PITRM1: variants seen among roughly 807,000 people sequenced by gnomAD.
PITRM1 encodes the protein presequence protease, mitochondrial.
A neutral mutation model predicts 129.9 loss-of-function variants in PITRM1; 100 were observed. The observed-to-expected ratio is 0.77, with a 90% CI of 0.65 to 0.91. The LOEUF (loss-of-function observed/expected upper bound fraction) is 0.91, where lower values mean the gene tolerates loss of function less well. PITRM1 is among the 40% of genes least tolerant of loss of function. The probability of loss-of-function intolerance (pLI) is 0.00; values close to 1 mark genes in which losing one functional copy is unlikely to be tolerated. For missense variants in PITRM1, 1,471 were observed against 1,318.3 expected (o/e 1.12, Z -1.79); for synonymous variants, 591 against 508.8 (o/e 1.16, Z -2.17).
At chr10:3,138,645 C>T (rs987997356) in intron 25 of PITRM1, 3 of 617,522 alleles carry the variant, frequency 4.9e-6, no homozygotes, top group Non-Finnish European at 8.7e-6. Flanking sequence ...CCACGTCCTC[C>T]TTCCACCCTA....
chr10:3,170,095 G>A lies in PITRM1; in HGVS notation c.159+9C>T, dbSNP rs1351391512. ...GGATTTATAAGGAGGTGCCGAGGAC[G>A]ACCCATACCTGGTTTACGGTGAATC... On this transcript the variant is annotated intron_variant, in intron 2 of 26. Transcript: ENST00000224949. The A allele has an allele frequency of 6.9e-6, 11 of 1,597,384 alleles. No homozygotes were observed. Among genetic ancestry groups the A allele is most frequent in the African/African-American group, 5.4e-5 (4 of 74,590 alleles).
chr10:3,158,726 G>A (rs910735571), intron 10 of PITRM1, among the ~76,000 whole-genome samples, 188 bp downstream of exon 10: 11 of 152,192 alleles, frequency 7.2e-5, no homozygotes, highest in African/African-American at 2.7e-4. Flanking sequence ...CCTGATGGGG[G>A]CGGCCATCCT....
chr10:3,141,828 A>C, intron 23 of PITRM1: 1 of 286,922 alleles, frequency 3.5e-6, no homozygotes. Flanking sequence ...AGAAGTCACG[A>C]CCATCTCGTG....
chr10:3,138,377 G>A (rs1449907119), intron 25 of PITRM1, 40 bp from the exon 26 acceptor site: 7 of 1,405,760 alleles, frequency 5.0e-6, no homozygotes, highest in Middle Eastern at 3.6e-4. Context: ...CCGCTGCCCG[G>A]GAGCTCGCGT....
At position 3,147,165 on chromosome 10, in the gene PITRM1, T is replaced by C. The variant is rs749737129; in HGVS notation, c.2321A>G (p.Asn774Ser). 9 of 1,554,682 alleles carry C rather than the reference T, an allele frequency of 5.8e-6. No homozygotes were observed. The highest frequency in any genetic ancestry group is 1.1e-5 in the South Asian group (1 of 89,726). Reference protein sequence around the residue: ...KLPRIKKHLLNGDNMRCSVNA... With the variant: ...KLPRIKKHLLSGDNMRCSVNA... Reference sequence around the variant, plus strand: ...ACACATGCACCTCATATTATCACCATTTAACAAGTGTTTCTTGATACGCGG... The same window carrying C: ...ACACATGCACCTCATATTATCACCACTTAACAAGTGTTTCTTGATACGCGG... Residue 774 changes from asparagine to serine, a missense_variant, in exon 20 of 27, where the codon AAT (asparagine) becomes AGT (serine). Coordinates refer to ENST00000224949, the MANE Select transcript of PITRM1 (RefSeq NM_014889.4).
intron 8 of PITRM1, 122 bp downstream of exon 8, chr10:3,160,082 A>G: frequency 7.7e-7 from 1 of 1,292,976 alleles, no homozygotes; most frequent in South Asian, 1.3e-5. Context: ...TTTCAGCTTG[A>G]AAAGCTCTCC....
chr10:3,168,202 A>G (rs1335371652), intron 2 of PITRM1, among the ~76,000 whole-genome samples: 1 of 152,116 alleles, frequency 6.6e-6, no homozygotes, highest in Non-Finnish European at 1.5e-5. Context: ...GGAGCCTGCC[A>G]CGCAACAGTC....
At position 3,167,012 on chromosome 10, in the gene PITRM1, C is replaced by A; in HGVS notation, c.190G>T (p.Ala64Ser). Residue 64 changes from alanine (A) to serine (S), a missense_variant, in exon 3 of 27, where the codon GCA (alanine) becomes TCA (serine). By Grantham distance (99) the Ala-to-Ser change is moderately conservative. Coordinates refer to ENST00000224949, the MANE Select transcript of PITRM1 (RefSeq NM_014889.4). ...VTSVPELFLT[A>S]VKLTHDDTGA... is the part of the protein sequence containing the mutation. ...GTGTCATCATGGGTGAGCTTCACTG[C>A]AGTCAGGAACAGCTCGGGAACAGAT... 12 of 1,609,250 alleles carry A rather than the reference C, an allele frequency of 7.5e-6. No individual in the cohort carries two copies. The highest frequency in any genetic ancestry group is 1.0e-5 in the Non-Finnish European group (12 of 1,177,488).
chr10:3,165,127 G>A (rs1486561109), intron 6 of PITRM1, 111 bp downstream of exon 6: 18 of 822,952 alleles, frequency 2.2e-5, no homozygotes, highest in Non-Finnish European at 3.4e-5. Flanking sequence ...ATTCAAGAAT[G>A]TATCACCTAT....
chr10:3,170,691 G>A (rs1054014475), intron 1 of PITRM1, among the ~76,000 whole-genome samples: 4 of 152,170 alleles, frequency 2.6e-5, no homozygotes, highest in Admixed American at 1.3e-4. Context: ...AAAGCACTTG[G>A]CATTCTTTAG....
intron 14 of PITRM1, among the ~76,000 whole-genome samples, chr10:3,153,213 A>G (rs181339073): frequency 6.6e-6 from 1 of 152,310 alleles, no homozygotes; most frequent in East Asian, 1.9e-4. Flanking sequence ...TCATTAACCT[A>G]CTGGTTTGGA....
chr10:3,157,311 T>C, intron 12 of PITRM1, 124 bp downstream of exon 12: 1 of 648,546 alleles, frequency 1.5e-6, no homozygotes, highest in East Asian at 2.9e-5. Context: ...AGATTACTAG[T>C]TATAAACCCT....
Position 3,140,825 on chromosome 10 carries a change from A to G in PITRM1, c.2646-13T>C. The G allele has an allele frequency of 3.2e-6, 5 of 1,565,616 alleles. No homozygotes were observed. The highest frequency in any genetic ancestry group is 4.3e-6 in the Non-Finnish European group (5 of 1,151,574). ...AAGGATTTTAAGACTGAAATGATTA[A>G]AAAATGCAAGTTAATACCGTGGCTG... is the stretch of plus-strand genomic sequence containing the variant. On this transcript the variant is annotated splice_polypyrimidine_tract_variant and intron_variant, in intron 23 of 26. Transcript: ENST00000224949.
At chr10:3,152,378 C>T (rs1024687057) in intron 14 of PITRM1, among the ~76,000 whole-genome samples, 10 of 152,200 alleles carry the variant, frequency 6.6e-5, no homozygotes, top group East Asian at 1.9e-4. Flanking sequence ...ACTCAGTCCC[C>T]GCAGACAGCA....
In PITRM1 at chr10:3,149,756, A is replaced by G. The variant is rs922843186; in HGVS notation, c.1739-3T>C. 3 of 1,613,578 alleles carry G rather than the reference A, an allele frequency of 1.9e-6. No individual in the cohort carries two copies. The highest frequency in any genetic ancestry group is 2.7e-5 in the African/African-American group (2 of 74,932). On this transcript the variant is annotated splice_region_variant and splice_polypyrimidine_tract_variant and intron_variant, in intron 15 of 26. Coordinates refer to ENST00000224949, the MANE Select transcript of PITRM1 (RefSeq NM_014889.4). The stretch of plus-strand genomic sequence containing the variant: ...GTACTGAACAGGGATATCTCCAGCT[A>G]GAAAAACAAAAGGGATTTAATTTTT...
At chr10:3,143,358 G>A in intron 23 of PITRM1, 31 bp downstream of exon 23, 2 of 1,354,934 alleles carry the variant, frequency 1.5e-6, no homozygotes, top group South Asian at 1.2e-5. Context: ...TAAGGCTCAG[G>A]CCTGAGAGGT....
intron 14 of PITRM1, among the ~76,000 whole-genome samples, chr10:3,151,901 G>A (rs1246841376): frequency 6.6e-6 from 1 of 151,846 alleles, no homozygotes; most frequent in Non-Finnish European, 1.5e-5. Flanking sequence ...ATACCTGGCT[G>A]ATTTCTGTTT....
chr10:3,172,308 C>T, intron 1 of PITRM1: 1 of 494,868 alleles, frequency 2.0e-6, no homozygotes, highest in Non-Finnish European at 4.0e-6. Context: ...TCTCTGAACA[C>T]AGCGAGACTT....
At chr10:3,153,573 C>T (rs557508827) in intron 14 of PITRM1, among the ~76,000 whole-genome samples, 2 of 151,774 alleles carry the variant, frequency 1.3e-5, no homozygotes, top group African/African-American at 4.8e-5. Flanking sequence ...GAGCCGAGAT[C>T]GTGCCACTGC....
Sources: gnomAD v4.1 joint callset for allele counts (sites outside exome capture counted in the v4.1 genomes callset) on GRCh38, gnomAD v4.1.1 for gene constraint, MANE v1.5 for transcripts, NCBI Gene and HGNC (gene_info 2026-07-23, HGNC 2026-07-21) for gene names.